Variants in ARL6 observed in about 807,000 individuals in gnomAD.
The protein encoded by ARL6 is ADP-ribosylation factor-like protein 6.
Under a neutral mutation model 27.1 loss-of-function variants are expected in ARL6, and 18 were observed. The observed-to-expected ratio is 0.66, with a 90% CI of 0.46 to 0.98. The LOEUF (loss-of-function observed/expected upper bound fraction) is 0.98. Ranked by LOEUF, ARL6 falls within the 50% of genes least tolerant of loss-of-function variation. The pLI, the probability that ARL6 is intolerant of heterozygous loss-of-function variation, is 0.00. For missense variants in ARL6, 187 were observed against 214.9 expected (o/e 0.87, Z 0.81); for synonymous variants, 65 against 72.3 (o/e 0.90, Z 0.51).
chr3:97,767,962 C>T (rs1478797417), intron 1 of ARL6, 119 bp from the exon 2 acceptor site: 1 of 893,690 alleles, frequency 1.1e-6, no homozygotes, highest in Non-Finnish European at 1.7e-6. Context: ...GCTACATTGA[C>T]ATAGTTTTCA....
At chr3:97,780,339 A>C in intron 3 of ARL6, 119 bp downstream of exon 3, 1 of 852,670 alleles carries the variant, frequency 1.2e-6, no homozygotes, top group Non-Finnish European at 1.9e-6. Flanking sequence ...TCTCATAGGT[A>C]TTAAAGTGTT....
chr3:97,777,448 C>T (rs2036964304), intron 2 of ARL6, among the ~76,000 whole-genome samples: 1 of 152,018 alleles, frequency 6.6e-6, no homozygotes, highest in African/African-American at 2.4e-5. Flanking sequence ...TAAATCATCT[C>T]TAGATTACTA....
rs1308476983 is a variant in ARL6 at position 97,800,953 on chromosome 3, A to C, written c.*2904A>C. 6.6e-6 allele frequency: 1 copy of C among 152,162 alleles called. No individual in the cohort carries two copies. The highest frequency in any genetic ancestry group is 1.5e-5 in the Non-Finnish European group (1 of 68,038). 9.4% of individuals were successfully genotyped at this position (152,162 alleles called of 1,614,324 possible). On this transcript the variant is annotated 3_prime_UTR_variant, in exon 8 of 8. Transcript: ENST00000463745. Reference sequence around the variant, plus strand: ...TCACATGGCTCCTCCCAAAGACCCCACCTCCTAATATCATCACATGTCATC... The same window carrying C: ...TCACATGGCTCCTCCCAAAGACCCCCCCTCCTAATATCATCACATGTCATC...
At chr3:97,781,887 G>A (rs1041889402) in intron 4 of ARL6, among the ~76,000 whole-genome samples, 4 of 152,036 alleles carry the variant, frequency 2.6e-5, no homozygotes, top group African/African-American at 9.7e-5. Flanking sequence ...TACCAGATAA[G>A]ATTTAGATTT....
chr3:97,769,992 C>T (rs944300000), intron 2 of ARL6, among the ~76,000 whole-genome samples: 2 of 152,158 alleles, frequency 1.3e-5, no homozygotes, highest in Non-Finnish European at 1.5e-5. Context: ...GTGCTATAAA[C>T]TTGGGAGTGC....
chr3:97,785,263 T>C (rs1299467419), intron 5 of ARL6, among the ~76,000 whole-genome samples: 2 of 151,320 alleles, frequency 1.3e-5, no homozygotes, highest in Admixed American at 1.3e-4. Context: ...TGCATTGTTT[T>C]TGGGGTGTCT....
intron 4 of ARL6, among the ~76,000 whole-genome samples, chr3:97,782,734 G>T (rs2037258500): frequency 1.3e-5 from 2 of 151,060 alleles, no homozygotes; most frequent in South Asian, 4.2e-4. Context: ...ATAGAAGGTT[G>T]TATGTTAGCA....
At chr3:97,770,057 G>A (rs575987242) in intron 2 of ARL6, among the ~76,000 whole-genome samples, 2 of 152,050 alleles carry the variant, frequency 1.3e-5, no homozygotes, top group East Asian at 3.8e-4. Flanking sequence ...CCCACAGTGG[G>A]ATTGCTGGAT....
Position 97,800,061 on chromosome 3 carries a change from A to G in ARL6, c.*2012A>G, listed in dbSNP as rs1455174416. The G allele has an allele frequency of 6.6e-6, 1 of 152,130 alleles. No homozygotes were observed. The highest frequency in any genetic ancestry group is 1.5e-5 in the Non-Finnish European group (1 of 68,004). The allele number at this position is 152,130 out of a possible 1,614,324, so 9.4% of individuals were successfully genotyped here. The stretch of plus-strand genomic sequence containing the variant: ...ACTCAAATTTTAAACTCTGGATACA[A>G]ATGACTTTGATAAAAGTCCTTAAAA... On this transcript the variant is annotated 3_prime_UTR_variant, in exon 8 of 8. Transcript: ENST00000463745.
chr3:97,776,470 C>T (rs182917815), intron 2 of ARL6, among the ~76,000 whole-genome samples: 1 of 151,830 alleles, frequency 6.6e-6, no homozygotes, highest in Admixed American at 6.6e-5. Flanking sequence ...CTTACTATTG[C>T]CATTTAGTTA....
At chr3:97,792,066 A>G in intron 7 of ARL6, 1 of 453,802 alleles carries the variant, frequency 2.2e-6, no homozygotes, top group Non-Finnish European at 3.9e-6. Context: ...TATATGACAC[A>G]TATAGAAAAC....
At chr3:97,770,372 A>C (rs1265551261) in intron 2 of ARL6, among the ~76,000 whole-genome samples, 1 of 151,734 alleles carries the variant, frequency 6.6e-6, no homozygotes, top group Non-Finnish European at 1.5e-5. Flanking sequence ...CCATTTTTTT[A>C]GTCAGATTTT....
chr3:97,795,288 C>T (rs193155739), intron 7 of ARL6, among the ~76,000 whole-genome samples: 41 of 152,134 alleles, frequency 2.7e-4, no homozygotes, highest in African/African-American at 8.9e-4. Flanking sequence ...GTTTTCTTGC[C>T]CTGAAACTTT....
intron 1 of ARL6, among the ~76,000 whole-genome samples, chr3:97,765,678 C>T (rs1271840496): frequency 6.6e-6 from 1 of 152,142 alleles, no homozygotes; most frequent in Non-Finnish European, 1.5e-5. Context: ...ATCAGAAACA[C>T]TGGGTAGCTT....
At chr3:97,774,638 T>C (rs982709689) in intron 2 of ARL6, among the ~76,000 whole-genome samples, 1 of 151,928 alleles carries the variant, frequency 6.6e-6, no homozygotes, top group Non-Finnish European at 1.5e-5. Context: ...AGTTGCAGAG[T>C]CCCATTCTTT....
chr3:97,793,677 T>C (rs996997061), intron 7 of ARL6, among the ~76,000 whole-genome samples: 9 of 152,230 alleles, frequency 5.9e-5, no homozygotes, highest in African/African-American at 2.2e-4. Context: ...TACCTAATTT[T>C]TGTTTCTTTC....
At chr3:97,784,425 T>G (rs2037346561) in intron 4 of ARL6, among the ~76,000 whole-genome samples, 1 of 151,636 alleles carries the variant, frequency 6.6e-6, no homozygotes, top group African/African-American at 2.4e-5. Flanking sequence ...AATGTATTTC[T>G]CACTATGGTT....
chr3:97,780,285 G>C lies in ARL6; in HGVS notation c.185+65G>C. The stretch of plus-strand genomic sequence containing the variant: ...AAAATAACAATATTAGGTCTACCTG[G>C]TCATTCTTCCTACCCTTAGATAAAG... On this transcript the variant is annotated intron_variant, in intron 3 of 7. Coordinates refer to ENST00000463745, the MANE Select transcript of ARL6 (RefSeq NM_001278293.3). The C allele has an allele frequency of 3.2e-6, 4 of 1,246,394 alleles. No homozygotes were observed. In the South Asian group the frequency reaches 5.0e-5, roughly 16 times the overall value. 77.2% of individuals were successfully genotyped at this position (1,246,394 alleles called of 1,614,324 possible). A position where few individuals can be genotyped will look rare whatever the true frequency, so the allele number is the denominator to read the frequency against.
chr3:97,770,378 A>AT (rs1278976297), intron 2 of ARL6, among the ~76,000 whole-genome samples: 5 of 151,484 alleles, frequency 3.3e-5, no homozygotes, highest in African/African-American at 1.2e-4. Flanking sequence ...TTTTAGTCAG[A>AT]TTTTTTGTGT....
Sources: gnomAD v4.1 joint callset for allele counts (sites outside exome capture counted in the v4.1 genomes callset) on GRCh38, gnomAD v4.1.1 for gene constraint, MANE v1.5 for transcripts, NCBI Gene and HGNC (gene_info 2026-07-23, HGNC 2026-07-21) for gene names.